PLCB1: variants seen among roughly 807,000 people sequenced by gnomAD.
The protein encoded by PLCB1 is 1-phosphatidylinositol 4,5-bisphosphate phosphodiesterase beta-1.
Under a neutral mutation model 161.8 loss-of-function variants are expected in PLCB1, and 46 were observed. The observed-to-expected ratio is 0.28, with a 90% confidence interval of 0.22 to 0.36. PLCB1 has a LOEUF of 0.36. Ranked by LOEUF, PLCB1 falls within the 10% of genes least tolerant of loss-of-function variation. The probability of loss-of-function intolerance (pLI) is 1.00; values close to 1 mark genes in which losing one functional copy is unlikely to be tolerated. For missense variants in PLCB1, 1,016 were observed against 1,472.5 expected (o/e 0.69, Z 5.07); for synonymous variants, 517 against 503.7 (o/e 1.03, Z -0.35).
At chr20:8,188,653 TG>T (rs2051932654) in intron 2 of PLCB1, among the ~76,000 whole-genome samples, 1 of 152,150 alleles carries the variant, frequency 6.6e-6, no homozygotes, top group South Asian at 2.1e-4. Flanking sequence ...GGAAACTTCC[TG>T]GGAATTGTCT....
intron 24 of PLCB1, among the ~76,000 whole-genome samples, chr20:8,758,784 AT>A (rs1187284292): frequency 6.6e-6 from 1 of 152,156 alleles, no homozygotes; most frequent in Non-Finnish European, 1.5e-5. Context: ...TTCACATTTA[AT>A]TTTTTTAACT....
intron 1 of PLCB1, among the ~76,000 whole-genome samples, chr20:8,135,687 AT>A (rs2051338131): frequency 6.6e-6 from 1 of 152,160 alleles, no homozygotes; most frequent in Non-Finnish European, 1.5e-5. Flanking sequence ...CATGGTGTAT[AT>A]TGTCTGAACA....
chr20:8,139,090 T>TTG (rs1555785674), intron 1 of PLCB1, among the ~76,000 whole-genome samples: 1 of 128,020 alleles, frequency 7.8e-6, no homozygotes, highest in African/African-American at 3.5e-5. Flanking sequence ...GGTTTTTTTT[T>TTG]TTTTTTTTTT....
chr20:8,715,379 A>G (rs948929954), intron 12 of PLCB1, among the ~76,000 whole-genome samples: 10 of 152,226 alleles, frequency 6.6e-5, no homozygotes, highest in African/African-American at 2.4e-4. Context: ...TAACAGTGGA[A>G]TCATCTTACA....
At chr20:8,527,427 G>A (rs1377811602) in intron 3 of PLCB1, among the ~76,000 whole-genome samples, 2 of 151,996 alleles carry the variant, frequency 1.3e-5, no homozygotes, top group African/African-American at 2.4e-5. Flanking sequence ...ACTATACTGC[G>A]AGTCAAGACT....
At chr20:8,881,513 T>TTAATG in intron 31 of PLCB1, 109 bp from the exon 32 acceptor site, 1 of 798,692 alleles carries the variant, frequency 1.3e-6, no homozygotes, top group South Asian at 1.6e-5. Flanking sequence ...ATATTTTAAG[T>TTAATG]TAATGTATTC....
intron 31 of PLCB1, among the ~76,000 whole-genome samples, chr20:8,801,653 G>A (rs1322853949): frequency 6.6e-6 from 1 of 152,136 alleles, no homozygotes; most frequent in Non-Finnish European, 1.5e-5. Context: ...CTCTTTGCGG[G>A]GAGAAAAGTA....
Position 8,789,553 on chromosome 20 carries a change from A to G in PLCB1, c.3314A>G (p.Glu1105Gly). 1.9e-6 allele frequency: 3 copies of G among 1,612,138 alleles called. No individual in the cohort carries two copies. Among genetic ancestry groups the G allele is most frequent in the Non-Finnish European group, 8.5e-7 (1 of 1,178,154 alleles). Residue 1105 changes from glutamate to glycine, a missense_variant, in exon 30 of 32, where the codon GAA becomes GGA. Glu to Gly is a moderately conservative substitution (Grantham distance 98). Coordinates refer to ENST00000338037, the MANE Select transcript of PLCB1 (RefSeq NM_015192.4). Reference sequence around the variant, plus strand: ...GAGATGATCCGGTCATATATCCAGGAAGTGGTGCAGTATATCAAGAGGGTA... The same window carrying G: ...GAGATGATCCGGTCATATATCCAGGGAGTGGTGCAGTATATCAAGAGGGTA... Reference protein sequence around the residue: ...KTEMIRSYIQEVVQYIKRLEE... With the variant: ...KTEMIRSYIQGVVQYIKRLEE...
At chr20:8,554,214 T>C (rs1985872292) in intron 3 of PLCB1, among the ~76,000 whole-genome samples, 1 of 152,118 alleles carries the variant, frequency 6.6e-6, no homozygotes, top group Non-Finnish European at 1.5e-5. Context: ...AAGTTAAATA[T>C]GTACTTACCT....
intron 4 of PLCB1, among the ~76,000 whole-genome samples, chr20:8,637,666 A>G (rs903122136): frequency 3.3e-5 from 5 of 152,196 alleles, no homozygotes; most frequent in Non-Finnish European, 5.9e-5. Flanking sequence ...ATAAATATAT[A>G]CTTGTTATTA....
intron 9 of PLCB1, 146 bp downstream of exon 9, chr20:8,658,850 C>T (rs754158016): frequency 7.7e-6 from 5 of 648,828 alleles, no homozygotes; most frequent in Non-Finnish European, 1.3e-5. Flanking sequence ...CTTGGTGGTT[C>T]AGTGCACTAG....
chr20:8,515,291 T>C (rs1410195311), intron 3 of PLCB1, among the ~76,000 whole-genome samples: 2 of 152,204 alleles, frequency 1.3e-5, no homozygotes, highest in African/African-American at 4.8e-5. Flanking sequence ...GCAGTTTTAT[T>C]AAACTAATAG....
chr20:8,205,820 G>T (rs1320189197), intron 2 of PLCB1, among the ~76,000 whole-genome samples: 1 of 152,044 alleles, frequency 6.6e-6, no homozygotes, highest in African/African-American at 2.4e-5. Context: ...GTTGGGGTTG[G>T]ATAGGATGAC....
At chr20:8,791,006 C>T (rs1374255474) in intron 31 of PLCB1, among the ~76,000 whole-genome samples, 1 of 152,224 alleles carries the variant, frequency 6.6e-6, no homozygotes, top group African/African-American at 2.4e-5. Context: ...AAAAGTACTG[C>T]CATTCCACAC....
At chr20:8,470,671 A>C (rs988925616) in intron 3 of PLCB1, among the ~76,000 whole-genome samples, 1 of 152,148 alleles carries the variant, frequency 6.6e-6, no homozygotes, top group South Asian at 2.1e-4. Flanking sequence ...CAGCCTCCCA[A>C]GTAGCTGGGA....
At chr20:8,164,986 G>A (rs549452700) in intron 2 of PLCB1, among the ~76,000 whole-genome samples, 1 of 152,178 alleles carries the variant, frequency 6.6e-6, no homozygotes, top group African/African-American at 2.4e-5. Flanking sequence ...CAGGTGTTAA[G>A]GATCCAGCTA....
At chr20:8,166,003 T>C (rs1479606244) in intron 2 of PLCB1, among the ~76,000 whole-genome samples, 1 of 152,192 alleles carries the variant, frequency 6.6e-6, no homozygotes, top group East Asian at 1.9e-4. Flanking sequence ...CATACTAAAA[T>C]TGATCCCTTC....
intron 2 of PLCB1, among the ~76,000 whole-genome samples, chr20:8,195,707 T>A (rs1188826838): frequency 1.3e-5 from 2 of 152,150 alleles, no homozygotes; most frequent in African/African-American, 4.8e-5. Flanking sequence ...TTTAGTCTTC[T>A]GAAATCTGTG....
intron 27 of PLCB1, among the ~76,000 whole-genome samples, chr20:8,782,010 A>G (rs1983264958): frequency 6.6e-6 from 1 of 152,324 alleles, no homozygotes; most frequent in East Asian, 1.9e-4. Context: ...AGCCTTGGTC[A>G]GACTTTCACA....
Sources: allele counts gnomAD v4.1 joint callset (sites outside exome capture counted in the v4.1 genomes callset), GRCh38; gene constraint gnomAD v4.1.1; transcripts MANE v1.5; gene names NCBI Gene and HGNC (gene_info 2026-07-23, HGNC 2026-07-21).